The following FER1L5 variants were observed in gnomAD, a reference collection of about 807,000 sequenced individuals.
FER1L5 encodes fer-1-like protein 5.
In FER1L5, 187 loss-of-function variants were observed where a neutral mutation model predicts 279.9. That is an observed-to-expected ratio of 0.67 (90% CI 0.59 to 0.75). The LOEUF is 0.75. FER1L5 is among the 30% of genes least tolerant of loss of function. FER1L5 has a pLI of 0.00. For synonymous variants in FER1L5, 921 were observed against 989.7 expected (o/e 0.93, Z 1.30); for missense variants, 2,091 against 2,594.4 (o/e 0.81, Z 4.21).
chr2:96,643,849 G>C (rs1047728042), intron 1 of FER1L5, among the ~76,000 whole-genome samples: 1 of 151,696 alleles, frequency 6.6e-6, no homozygotes, highest in Non-Finnish European at 1.5e-5. Flanking sequence ...TCAAAGATCT[G>C]GCAGCTAAAA....
At chr2:96,672,039 A>G (rs2076345987) in intron 18 of FER1L5, among the ~76,000 whole-genome samples, 1 of 152,160 alleles carries the variant, frequency 6.6e-6, no homozygotes, top group Non-Finnish European at 1.5e-5. Context: ...GTTTGAGACC[A>G]GCCTGGGTAA....
chr2:96,678,893 G>A (rs937715490), intron 19 of FER1L5, among the ~76,000 whole-genome samples: 1 of 152,098 alleles, frequency 6.6e-6, no homozygotes, highest in Non-Finnish European at 1.5e-5. Flanking sequence ...TATGTGATTT[G>A]CAAATTGTCT....
At chr2:96,690,440 C>T (rs754769197) in intron 26 of FER1L5, 47 bp from the exon 27 acceptor site, 2 of 1,523,610 alleles carry the variant, frequency 1.3e-6, no homozygotes, top group Non-Finnish European at 1.8e-6. Context: ...AGGGCAGCCT[C>T]CTCCCAGCTC....
Position 96,663,489 on chromosome 2 carries a change from C to A in FER1L5, c.1122C>A (p.Ile374=). Residue 374 remains isoleucine, a synonymous_variant, in exon 14 of 53, where the codon ATC becomes ATA. Coordinates refer to ENST00000624922, the MANE Select transcript of FER1L5 (RefSeq NM_001293083.2). The stretch of plus-strand genomic sequence containing the variant: ...CCGACAACCCGATATGGAACCAGAT[C>A]CTGACCTTCCGGATTCAGGTATGGC... The part of the protein sequence containing the change: ...TQTDNPIWNQ[I]LTFRIQLPCL... 6.4e-7 allele frequency: 1 copy of A among 1,551,622 alleles called. No homozygotes were observed. Among genetic ancestry groups the A allele is most frequent in the Non-Finnish European group, 8.7e-7 (1 of 1,146,944 alleles).
rs2076226346 is a variant in FER1L5, at chr2:96,668,989, A to G, written c.1267+21A>G. On this transcript the variant is annotated intron_variant, in intron 16 of 52. Coordinates refer to ENST00000624922, the MANE Select transcript of FER1L5 (RefSeq NM_001293083.2). Reference sequence around the variant, plus strand: ...AGAAGGCAAGCAAAGCCTCGAGCCCACTTCCTACACCCCTCGTCCTGCGCC... The same window carrying G: ...AGAAGGCAAGCAAAGCCTCGAGCCCGCTTCCTACACCCCTCGTCCTGCGCC... 6.4e-7 allele frequency: 1 copy of G among 1,551,178 alleles called. No homozygotes were observed. Among genetic ancestry groups the G allele is most frequent in the Admixed American group, 2.0e-5 (1 of 50,948 alleles).
intron 3 of FER1L5, among the ~76,000 whole-genome samples, chr2:96,647,419 C>T (rs957434749): frequency 1.1e-4 from 16 of 152,210 alleles, no homozygotes; most frequent in South Asian, 4.1e-4. Flanking sequence ...TGCCCAACCC[C>T]GGCTTCTTAT....
chr2:96,667,347 CTTTT>C (rs551114241), intron 14 of FER1L5, among the ~76,000 whole-genome samples: 4 of 139,116 alleles, frequency 2.9e-5, no homozygotes, highest in Admixed American at 7.3e-5. Context: ...ATTATTTATT[CTTTT>C]TTTTTTTTTT....
At position 96,689,747 on chromosome 2, in the gene FER1L5, AAC is replaced by A; in HGVS notation, c.2633_2634del (p.Thr878ArgfsTer22). The A allele has an allele frequency of 1.3e-6, 2 of 1,549,560 alleles. No homozygotes were observed. The highest frequency in any genetic ancestry group is 1.7e-6 in the Non-Finnish European group (2 of 1,146,310). ...RGAWGPAAIP[N>X]TDVNGQPMEA... ...GGCCTGGGGGCCTGCCGCCATCCCA[AAC>A]ACAGACGTGGTGAGCAGGGCCGAAG... On this transcript the variant is annotated frameshift_variant, in exon 26 of 53. Transcript: ENST00000624922. LOFTEE classifies it high-confidence loss of function. This position sits in a 1 kb window ranked among gnomAD's most constrained non-coding sequence, Gnocchi z 4.6.
At chr2:96,645,460 C>T (rs1023641945) in intron 1 of FER1L5, among the ~76,000 whole-genome samples, 8 of 152,094 alleles carry the variant, frequency 5.3e-5, no homozygotes, top group African/African-American at 1.9e-4. Flanking sequence ...GTCACACAGC[C>T]CCGCTTAGCT....
chr2:96,653,519 C>A, intron 7 of FER1L5, 121 bp from the exon 8 acceptor site: 1 of 773,018 alleles, frequency 1.3e-6, no homozygotes, highest in Non-Finnish European at 2.2e-6. Context: ...TACTTGTAAA[C>A]CCATTGAAAT....
Position 96,697,538 on chromosome 2 carries a change from C to T in FER1L5, c.4096C>T (p.Leu1366Phe), listed in dbSNP as rs369467945. The change falls in exon 38 of 53, where the codon CTC becomes TTC. Residue 1366 changes from leucine (L) to phenylalanine (F), a missense_variant. Physicochemically the swap from Leu to Phe is conservative, Grantham distance 22. Transcript: ENST00000624922. ...EKKHQDFLGY[L>F]YRKFWFKSSK... ...TCTCCTTTTTCAGTTCCTAGGCTAC[C>T]TCTACAGAAAGTTCTGGTTCAAGTC... 1 of 1,613,500 alleles carries T rather than the reference C, an allele frequency of 6.2e-7. No individual in the cohort carries two copies. The highest frequency in any genetic ancestry group is 1.3e-5 in the African/African-American group (1 of 74,928).
chr2:96,680,098 C>T (rs533213798), intron 19 of FER1L5, among the ~76,000 whole-genome samples: 38 of 152,190 alleles, frequency 2.5e-4, no homozygotes, highest in South Asian at 1.2e-3. Context: ...CCCTTGGCTT[C>T]GGTGGCGGTC....
chr2:96,685,231 C>T (rs758794905), intron 20 of FER1L5, 98 bp from the exon 21 acceptor site: 19 of 1,040,610 alleles, frequency 1.8e-5, no homozygotes, highest in East Asian at 2.6e-5. Flanking sequence ...TTCCCAAGGT[C>T]GTGGCTGAAA....
intron 39 of FER1L5, 61 bp from the exon 40 acceptor site, chr2:96,697,976 C>A: frequency 6.6e-7 from 1 of 1,521,490 alleles, no homozygotes; most frequent in Non-Finnish European, 8.8e-7. Flanking sequence ...AGCTGGTGGT[C>A]CCTCCATCTC....
chr2:96,687,759 C>T (rs1014022680), intron 23 of FER1L5, 57 bp from the exon 24 acceptor site: 17 of 1,540,396 alleles, frequency 1.1e-5, no homozygotes, highest in African/African-American at 6.9e-5. Flanking sequence ...GGGGGGTGGC[C>T]GGGGTGGCGT....
At chr2:96,651,002 G>A (rs1239929863) in intron 6 of FER1L5, among the ~76,000 whole-genome samples, 2 of 152,172 alleles carry the variant, frequency 1.3e-5, no homozygotes, top group Non-Finnish European at 2.9e-5. Flanking sequence ...GCTCTCTCCT[G>A]TCCATTCTCC....
At chr2:96,679,302 C>A (rs1384581219) in intron 19 of FER1L5, among the ~76,000 whole-genome samples, 1 of 152,050 alleles carries the variant, frequency 6.6e-6, no homozygotes, top group Non-Finnish European at 1.5e-5. Context: ...CGGCTCACTG[C>A]AACCTCCACT....
chr2:96,646,293 C>T (rs539960242), intron 1 of FER1L5, 108 bp from the exon 2 acceptor site: 55 of 1,229,182 alleles, frequency 4.5e-5, no homozygotes, highest in South Asian at 2.3e-4. Context: ...CCACCATGCC[C>T]GGCCGACTTG....
intron 21 of FER1L5, 142 bp downstream of exon 21, chr2:96,685,571 C>T (rs1470914070): frequency 2.7e-6 from 2 of 743,810 alleles, no homozygotes; most frequent in Non-Finnish European, 4.2e-6. Flanking sequence ...AGCGGGAAAC[C>T]CCAAGAGTCG....
Sources: allele counts gnomAD v4.1 joint callset (sites outside exome capture counted in the v4.1 genomes callset), GRCh38; gene constraint gnomAD v4.1.1; non-coding constraint Gnocchi (gnomAD v3.1); transcripts MANE v1.5; gene names NCBI Gene and HGNC (gene_info 2026-07-23, HGNC 2026-07-21).